Variants in ESRRG observed in about 807,000 individuals in gnomAD.
The protein encoded by ESRRG is estrogen-related receptor gamma.
A neutral mutation model predicts 44.0 loss-of-function variants in ESRRG; 13 were observed. The ratio of observed to expected loss-of-function variants is 0.30; its 90% CI spans 0.19 to 0.47. The LOEUF is 0.47. Among genes scored for constraint, ESRRG ranks in the 20% least tolerant of loss-of-function variants. The pLI is 1.00. For synonymous variants in ESRRG, 215 were observed against 214.6 expected, an observed-to-expected ratio of 1.00 and a Z score of -0.02; for missense variants, 395 against 580.6, an observed-to-expected ratio of 0.68 and a Z score of 3.29.
intron 2 of ESRRG, among the ~76,000 whole-genome samples, chr1:216,823,643 C>T (rs2095339754): frequency 6.6e-6 from 1 of 152,144 alleles, no homozygotes; most frequent in Admixed American, 6.5e-5. Flanking sequence ...CTGACAAACA[C>T]ATTGAATTCT....
intron 6 of ESRRG, among the ~76,000 whole-genome samples, chr1:216,507,954 GA>G (rs1288594644): frequency 6.6e-6 from 1 of 152,102 alleles, no homozygotes; most frequent in Non-Finnish European, 1.5e-5. Context: ...GAGATGTGGG[GA>G]AAAAATAAAA....
chr1:217,010,106 G>T (rs2078352003), intron 1 of ESRRG, among the ~76,000 whole-genome samples: 1 of 152,100 alleles, frequency 6.6e-6, no homozygotes, highest in Non-Finnish European at 1.5e-5. Flanking sequence ...AATACGAAGA[G>T]ATTTCACTGT....
At chr1:216,739,199 T>C (rs1185624351) in intron 2 of ESRRG, among the ~76,000 whole-genome samples, 4 of 152,090 alleles carry the variant, frequency 2.6e-5, no homozygotes, top group Non-Finnish European at 5.9e-5. Context: ...CCTGTTTATC[T>C]TTATAAATAA....
At chr1:216,894,555 C>G (rs1299460942) in intron 2 of ESRRG, among the ~76,000 whole-genome samples, 1 of 152,078 alleles carries the variant, frequency 6.6e-6, no homozygotes, top group Non-Finnish European at 1.5e-5. Context: ...GTTGTCTTTA[C>G]AGAGGAACTA....
chr1:216,568,101 G>T lies in ESRRG; in HGVS notation c.590-3C>A. On this transcript the variant is annotated splice_region_variant and splice_polypyrimidine_tract_variant and intron_variant, in intron 3 of 6. Coordinates refer to ENST00000408911, the MANE Select transcript of ESRRG (RefSeq NM_001438.4). Reference sequence around the variant, plus strand: ...ACGTACTCTGTCAAGACGCACCCCTGTGAGCAAAGACAGGCACCGGCTTAC... The same window carrying T: ...ACGTACTCTGTCAAGACGCACCCCTTTGAGCAAAGACAGGCACCGGCTTAC... The T allele has an allele frequency of 6.2e-7, 1 of 1,606,290 alleles. No individual in the cohort carries two copies. The highest frequency in any genetic ancestry group is 8.5e-7 in the Non-Finnish European group (1 of 1,173,004).
At chr1:216,815,873 G>T (rs555258308) in intron 2 of ESRRG, among the ~76,000 whole-genome samples, 1 of 152,056 alleles carries the variant, frequency 6.6e-6, no homozygotes, top group Non-Finnish European at 1.5e-5. Flanking sequence ...TTCATCCAGG[G>T]GTCTATTGGC....
intron 1 of ESRRG, among the ~76,000 whole-genome samples, chr1:216,709,072 G>T (rs572914843): frequency 6.6e-6 from 1 of 152,130 alleles, no homozygotes; most frequent in Admixed American, 6.5e-5. Context: ...CAGGAGAGTG[G>T]GGGGCTAAGG....
chr1:216,895,043 T>TG (rs1418072337), intron 2 of ESRRG, among the ~76,000 whole-genome samples: 9 of 152,306 alleles, frequency 5.9e-5, no homozygotes, highest in African/African-American at 9.6e-5. Flanking sequence ...CAAATTGGGC[T>TG]GGGGGGCGGA....
intron 1 of ESRRG, among the ~76,000 whole-genome samples, chr1:216,946,798 T>G (rs2066136422): frequency 6.6e-6 from 1 of 151,996 alleles, no homozygotes; most frequent in Admixed American, 6.6e-5. Context: ...ATCACTGGTT[T>G]CAAGTGATTC....
chr1:216,915,540 A>C (rs2061051798), intron 2 of ESRRG, among the ~76,000 whole-genome samples: 1 of 152,104 alleles, frequency 6.6e-6, no homozygotes, highest in Non-Finnish European at 1.5e-5. Context: ...AAATCAAATC[A>C]ATCTACCATC....
intron 3 of ESRRG, among the ~76,000 whole-genome samples, chr1:216,602,217 G>A (rs1381757466): frequency 2.0e-5 from 3 of 152,154 alleles, no homozygotes; most frequent in African/African-American, 7.2e-5. Flanking sequence ...GAATCACTGA[G>A]GAGTAACTAT....
intron 1 of ESRRG, among the ~76,000 whole-genome samples, chr1:216,972,572 C>T (rs58515283): frequency 0.044 from 6,733 of 152,236 alleles, 463 homozygotes; most frequent in African/African-American, 0.15. Context: ...TGCTCATCAA[C>T]GGACTGTCTG....
chr1:216,978,207 T>G (rs572708179), intron 1 of ESRRG, among the ~76,000 whole-genome samples: 138 of 152,138 alleles, frequency 9.1e-4, no homozygotes, highest in Non-Finnish European at 1.6e-3. Context: ...CACCCCCAAC[T>G]CCCACCCTCC....
chr1:216,877,753 A>G (rs2096380666), intron 2 of ESRRG, among the ~76,000 whole-genome samples: 1 of 151,986 alleles, frequency 6.6e-6, no homozygotes, highest in African/African-American at 2.4e-5. Flanking sequence ...TGTAAATGGT[A>G]TTGTGTTGTG....
intron 2 of ESRRG, among the ~76,000 whole-genome samples, chr1:216,885,715 T>G (rs1026945600): frequency 6.6e-6 from 1 of 152,186 alleles, no homozygotes; most frequent in African/African-American, 2.4e-5. Context: ...TAGGAAAGTT[T>G]TAAATATATT....
intron 2 of ESRRG, among the ~76,000 whole-genome samples, chr1:216,901,873 C>T (rs1382712317): frequency 2.0e-5 from 3 of 152,064 alleles, no homozygotes; most frequent in East Asian, 1.9e-4. Flanking sequence ...CTGCCTCAGC[C>T]CCCCAAGCAT....
At chr1:216,673,974 C>G (rs1159340591) in intron 2 of ESRRG, among the ~76,000 whole-genome samples, 1 of 152,204 alleles carries the variant, frequency 6.6e-6, no homozygotes, top group Non-Finnish European at 1.5e-5. Context: ...GAGTGGTTTT[C>G]ACACTGAGAA....
intron 1 of ESRRG, among the ~76,000 whole-genome samples, chr1:216,954,606 T>C (rs551058673): frequency 1.3e-5 from 2 of 152,316 alleles, no homozygotes; most frequent in East Asian, 3.9e-4. Flanking sequence ...TCAAAGATCA[T>C]GCCTTGAGCA....
At chr1:216,794,740 G>T (rs74439068) in intron 2 of ESRRG, among the ~76,000 whole-genome samples, 3,484 of 152,236 alleles carry the variant, frequency 0.023, 130 homozygotes, top group African/African-American at 0.08. Flanking sequence ...AAAAGCAAAG[G>T]TTTTGCTCAG....
Sources: allele counts gnomAD v4.1 joint callset (sites outside exome capture counted in the v4.1 genomes callset), GRCh38; gene constraint gnomAD v4.1.1; transcripts MANE v1.5; gene names NCBI Gene and HGNC (gene_info 2026-07-23, HGNC 2026-07-21).